RTN4: variants seen among roughly 807,000 people sequenced by gnomAD.
The protein encoded by RTN4 is reticulon 4.
RTN4 carries 32 observed loss-of-function variants against 90.4 expected under a neutral mutation model. The ratio of observed to expected loss-of-function variants is 0.35; its 90% CI spans 0.27 to 0.48. RTN4 has a LOEUF of 0.48. Ranked by LOEUF, RTN4 falls within the 20% of genes least tolerant of loss-of-function variation. The pLI is 0.99. For missense variants in RTN4, 1,706 were observed against 1,430.2 expected (o/e 1.19, Z -3.11); for synonymous variants, 629 against 552.5 (o/e 1.14, Z -1.94).
intron 2 of RTN4, among the ~76,000 whole-genome samples, chr2:55,065,934 G>T (rs922192617): frequency 6.6e-6 from 1 of 152,118 alleles, no homozygotes; most frequent in Non-Finnish European, 1.5e-5. Flanking sequence ...AAGGTAGTGT[G>T]CATAAACATG....
chr2:55,068,401 T>C (rs1348585130), intron 2 of RTN4, among the ~76,000 whole-genome samples: 1 of 152,146 alleles, frequency 6.6e-6, no homozygotes, highest in African/African-American at 2.4e-5. Flanking sequence ...TTTAAAATCA[T>C]ATTAATCATA....
upstream of RTN4, among the ~76,000 whole-genome samples, chr2:55,115,233 G>C (rs1401954657): frequency 1.3e-5 from 2 of 152,188 alleles, no homozygotes; most frequent in Non-Finnish European, 2.9e-5. Context: ...GATGTCAGAA[G>C]GTCTGTATTC....
intron 1 of RTN4, among the ~76,000 whole-genome samples, chr2:55,041,612 C>A (rs1683082645): frequency 6.6e-6 from 1 of 151,756 alleles, no homozygotes; most frequent in Non-Finnish European, 1.5e-5. Context: ...AAGGATAATT[C>A]AAAATAAAAG....
upstream of RTN4, among the ~76,000 whole-genome samples, chr2:55,113,350 G>A (rs1668070965): frequency 6.6e-6 from 1 of 152,164 alleles, no homozygotes; most frequent in African/African-American, 2.4e-5. Flanking sequence ...GCATGTTCAG[G>A]TCAATGTGGA....
intron 1 of RTN4, among the ~76,000 whole-genome samples, chr2:55,033,045 G>A (rs907392210): frequency 8.1e-5 from 10 of 123,090 alleles, no homozygotes; most frequent in Admixed American, 4.9e-4. Flanking sequence ...AAAGACTGAA[G>A]AAGTTAAAAA....
chr2:54,973,374 C>G lies in RTN4; in HGVS notation c.3537-176G>C, dbSNP rs760173919. 1.3e-5 allele frequency: 10 copies of G among 757,106 alleles called. No individual in the cohort carries two copies. The East Asian group carries it at 2.7e-4, about 20-fold the overall frequency. The allele number at this position is 757,106 out of a possible 1,614,324, so 46.9% of individuals were successfully genotyped here. ...CCTCATGAATTAGATTTAAACAAAG[C>G]CTTAAACACATAATAAACCCAGAAA... On this transcript the variant is annotated intron_variant, in intron 8 of 8. Transcript: ENST00000337526.
chr2:55,011,918 A>G (rs1162421263), intron 3 of RTN4, among the ~76,000 whole-genome samples: 1 of 152,180 alleles, frequency 6.6e-6, no homozygotes, highest in African/African-American at 2.4e-5. Flanking sequence ...GCATAATGTG[A>G]TATTTGAGAA....
At chr2:55,120,442 C>T in the RTN4 span, among the ~76,000 whole-genome samples, 9 of 152,060 alleles carry the variant, frequency 5.9e-5, no homozygotes, top group Admixed American at 1.3e-4. Context: ...GGCTTTACAA[C>T]GGGCCCTTCC....
At chr2:55,069,797 G>A (rs772226544) in intron 2 of RTN4, among the ~76,000 whole-genome samples, 23 of 152,312 alleles carry the variant, frequency 1.5e-4, no homozygotes, top group South Asian at 1.4e-3. Context: ...AAGAGAGCAA[G>A]AAAAAGAGAC....
intron 3 of RTN4, among the ~76,000 whole-genome samples, chr2:54,998,947 AC>A (rs753381344): frequency 3.1e-4 from 47 of 152,264 alleles, no homozygotes; most frequent in Middle Eastern, 3.4e-3. Flanking sequence ...ATACAAGGTA[AC>A]CCTATTCTGT....
chr2:55,067,984 A>G (rs1573495076), intron 2 of RTN4, among the ~76,000 whole-genome samples: 1 of 152,346 alleles, frequency 6.6e-6, no homozygotes, highest in East Asian at 1.9e-4. Flanking sequence ...ATTTCCTTAA[A>G]GTCTAGCTTA....
intron 3 of RTN4, among the ~76,000 whole-genome samples, chr2:55,008,830 T>C (rs10191748): frequency 0.12 from 18,309 of 152,180 alleles, 1,868 homozygotes; most frequent in African/African-American, 0.27. Flanking sequence ...CCTGTATTTA[T>C]TGTATTATTA....
chr2:54,973,087 AC>A lies in RTN4; in HGVS notation c.*68del, dbSNP rs933572811. The A allele has an allele frequency of 1.3e-5, 18 of 1,339,652 alleles. No individual in the cohort carries two copies. Among genetic ancestry groups the A allele is most frequent in the Middle Eastern group, 1.8e-4 (1 of 5,540 alleles). 83.0% of individuals were successfully genotyped at this position (1,339,652 alleles called of 1,614,324 possible). ...CAACGTCAAGGTTCGTTCTTCCCTG[AC>A]CCTCCCCCGTATAATCAAATGAATA... On this transcript the variant is annotated 3_prime_UTR_variant, in exon 9 of 9. Transcript: ENST00000337526.
the RTN4 span, among the ~76,000 whole-genome samples, chr2:55,119,879 AT>A: frequency 6.6e-6 from 1 of 152,212 alleles, no homozygotes; most frequent in Admixed American, 6.5e-5. Flanking sequence ...GAGTCAGACC[AT>A]TGACCAGCTG....
In RTN4 at chr2:54,999,613, T is replaced by C. The variant is rs181060322; in HGVS notation, c.3014-11915A>G. On this transcript the variant is annotated intron_variant, in intron 3 of 8. Transcript: ENST00000337526. ...GTGAGGAATGAGAATGGCAGTTAAATAGGAAATAAACAAATGAATATATAA... is the reference window on the plus strand; with the variant it reads ...GTGAGGAATGAGAATGGCAGTTAAACAGGAAATAAACAAATGAATATATAA... Among the ~76,000 whole-genome samples the C allele has an allele frequency of 2.1e-3, 317 of 152,232 alleles. 3 individuals carry two copies. Among genetic ancestry groups the C allele is most frequent in the East Asian group, 7.7e-4 (4 of 5,192 alleles).
chr2:55,095,239 G>A lies in RTN4; in HGVS notation c.-213-14600C>T, dbSNP rs565527070. Among the ~76,000 whole-genome samples, 62 of 151,948 alleles carry A rather than the reference G, an allele frequency of 4.1e-4. 1 individual carries two copies. The highest frequency in any genetic ancestry group is 2.9e-3 in the Admixed American group (44 of 15,274). On this transcript the variant is annotated intron_variant, in intron 1 of 3. Coordinates refer to the RTN4 transcript ENST00000427710. The stretch of plus-strand genomic sequence containing the variant: ...CTTGGGAGGCTGAGGCAGGAGAATC[G>A]CTTGAACCTGGCAGGCGGAAATTGC...
chr2:55,018,780 A>G (rs972900928), intron 3 of RTN4, among the ~76,000 whole-genome samples: 2 of 152,176 alleles, frequency 1.3e-5, no homozygotes, highest in Non-Finnish European at 2.9e-5. Context: ...ATGTATGTAT[A>G]TAAGCATTTC....
intron 1 of RTN4, among the ~76,000 whole-genome samples, chr2:55,086,267 T>C (rs1463807708): frequency 6.6e-6 from 1 of 152,230 alleles, no homozygotes; most frequent in African/African-American, 2.4e-5. Flanking sequence ...TTTTAACTTT[T>C]ATTAAAGTAT....
chr2:55,129,683 T>C, the RTN4 span, among the ~76,000 whole-genome samples: 1 of 151,934 alleles, frequency 6.6e-6, no homozygotes, highest in African/African-American at 2.4e-5. Flanking sequence ...TGCCTCAGCC[T>C]CCCGAGTAGC....
Sources: gnomAD v4.1 joint callset for allele counts (sites outside exome capture counted in the v4.1 genomes callset) on GRCh38, gnomAD v4.1.1 for gene constraint, MANE v1.5 for transcripts, NCBI Gene and HGNC (gene_info 2026-07-23, HGNC 2026-07-21) for gene names.